Variants in NRXN1 observed in about 807,000 individuals in gnomAD.
NRXN1 encodes neurexin-1.
Under a neutral mutation model 150.9 loss-of-function variants are expected in NRXN1, and 39 were observed. The ratio of observed to expected loss-of-function variants is 0.26; its 90% CI spans 0.20 to 0.34. The LOEUF is 0.34. NRXN1 is among the 10% of genes least tolerant of loss of function. The pLI, the probability that NRXN1 is intolerant of heterozygous loss-of-function variation, is 1.00. For missense variants in NRXN1, 1,815 were observed against 1,949.9 expected (o/e 0.93, Z 1.30); for synonymous variants, 924 against 757.0 (o/e 1.22, Z -3.62).
intron 16 of NRXN1, among the ~76,000 whole-genome samples, chr2:50,471,210 G>A (rs1486449762): frequency 6.6e-6 from 1 of 151,608 alleles, no homozygotes; most frequent in Non-Finnish European, 1.5e-5. Flanking sequence ...CTCAAGTCTT[G>A]TACGTTGTAC....
At chr2:50,112,624 G>T (rs1702527024) in intron 18 of NRXN1, among the ~76,000 whole-genome samples, 1 of 152,076 alleles carries the variant, frequency 6.6e-6, no homozygotes, top group South Asian at 2.1e-4. Flanking sequence ...TTCCATGAGG[G>T]TGCAAGGGCT....
chr2:50,455,029 G>A (rs1047733366), intron 17 of NRXN1, among the ~76,000 whole-genome samples: 2 of 152,086 alleles, frequency 1.3e-5, no homozygotes, highest in Non-Finnish European at 2.9e-5. Flanking sequence ...CAGGGATGAA[G>A]GCATAAAGAA....
At chr2:50,956,934 A>G (rs1692380682) in intron 2 of NRXN1, among the ~76,000 whole-genome samples, 1 of 152,008 alleles carries the variant, frequency 6.6e-6, no homozygotes, top group Non-Finnish European at 1.5e-5. Context: ...AGAATGAAGG[A>G]GCAGAGGGAG....
intron 18 of NRXN1, among the ~76,000 whole-genome samples, chr2:50,099,319 C>CTTTCT (rs1022421739): frequency 6.6e-6 from 1 of 151,694 alleles, no homozygotes; most frequent in African/African-American, 2.4e-5. Flanking sequence ...CCCAGAATAC[C>CTTTCT]TTTCTTTACT....
At chr2:50,033,582 T>C (rs565470871) in intron 21 of NRXN1, among the ~76,000 whole-genome samples, 134 of 151,986 alleles carry the variant, frequency 8.8e-4, no homozygotes, top group Non-Finnish European at 1.6e-3. Flanking sequence ...GATTTCATGA[T>C]AAAGACACCA....
intron 2 of NRXN1, among the ~76,000 whole-genome samples, chr2:51,016,246 A>G (rs1251677572): frequency 6.6e-6 from 1 of 152,216 alleles, no homozygotes; most frequent in Admixed American, 6.5e-5. Context: ...ACAAAAGCCA[A>G]AATTGACATA....
At chr2:50,446,887 A>G (rs2086462367) in intron 17 of NRXN1, among the ~76,000 whole-genome samples, 1 of 152,152 alleles carries the variant, frequency 6.6e-6, no homozygotes, top group Non-Finnish European at 1.5e-5. Context: ...TCAATGGCCA[A>G]GCCCAAGTAA....
intron 5 of NRXN1, among the ~76,000 whole-genome samples, chr2:50,811,813 T>C (rs183376577): frequency 4.3e-4 from 66 of 152,314 alleles, no homozygotes; most frequent in Non-Finnish European, 8.8e-5. Flanking sequence ...TCATGTCTAA[T>C]GAATAAATTG....
rs893785839 is a variant in NRXN1 at position 50,062,321 on chromosome 2, C to T, written c.3719-7277G>A. On this transcript the variant is annotated intron_variant, in intron 19 of 22. Coordinates refer to ENST00000401669, the MANE Select transcript of NRXN1 (RefSeq NM_001330078.2). ...CCCTTATAAAAGAGGCTCCAGAAAACTCCCTTCCCTCCTTCTGTGATACGA... is the reference window on the plus strand; with the variant it reads ...CCCTTATAAAAGAGGCTCCAGAAAATTCCCTTCCCTCCTTCTGTGATACGA... 9.9e-5 allele frequency among the ~76,000 whole-genome samples: 15 copies of T among 152,196 alleles called. No homozygotes were observed. The South Asian group carries it at 3.1e-3, about 32-fold the overall frequency.
At chr2:50,331,285 T>C (rs941587217) in intron 17 of NRXN1, among the ~76,000 whole-genome samples, 5 of 152,128 alleles carry the variant, frequency 3.3e-5, no homozygotes, top group Non-Finnish European at 7.4e-5. Flanking sequence ...ATTTTTTACC[T>C]TAAAAAATAC....
chr2:50,051,206 G>A (rs112052525), intron 21 of NRXN1, among the ~76,000 whole-genome samples: 3 of 151,618 alleles, frequency 2.0e-5, no homozygotes, highest in African/African-American at 4.8e-5. Context: ...GCATTTCTAC[G>A]TATTTAGCTT....
At chr2:50,232,838 A>C (rs1006646073) in intron 18 of NRXN1, among the ~76,000 whole-genome samples, 2 of 152,154 alleles carry the variant, frequency 1.3e-5, no homozygotes, top group African/African-American at 4.8e-5. Flanking sequence ...ATTAACAAAA[A>C]ATAAACATTC....
At chr2:50,092,820 T>C (rs1328991472) in intron 18 of NRXN1, among the ~76,000 whole-genome samples, 2 of 152,184 alleles carry the variant, frequency 1.3e-5, no homozygotes, top group East Asian at 1.9e-4. Flanking sequence ...GGGTTCTTAT[T>C]GTACATAAAG....
At position 49,918,688 on chromosome 2, in the gene NRXN1, T is replaced by G. The variant is rs2103947672; in HGVS notation, c.*3256A>C. 6.6e-6 allele frequency: 1 copy of G among 152,238 alleles called. No individual in the cohort carries two copies. The highest frequency in any genetic ancestry group is 1.5e-5 in the Non-Finnish European group (1 of 67,974). 9.4% of individuals were successfully genotyped at this position (152,238 alleles called of 1,614,324 possible). ...CAAAAGTACATTTAATGGCTACATCTTTAAGTGTATGAATATAGAGGTCTT... is the reference window on the plus strand; with the variant it reads ...CAAAAGTACATTTAATGGCTACATCGTTAAGTGTATGAATATAGAGGTCTT... On this transcript the variant is annotated 3_prime_UTR_variant, in exon 23 of 23. Transcript: ENST00000401669.
chr2:50,332,785 A>T (rs1424130240), intron 17 of NRXN1, among the ~76,000 whole-genome samples: 1 of 152,210 alleles, frequency 6.6e-6, no homozygotes, highest in Non-Finnish European at 1.5e-5. Context: ...CATTAAACTA[A>T]GATGCTCAGC....
At chr2:50,924,697 C>T (rs958297047) in intron 3 of NRXN1, among the ~76,000 whole-genome samples, 2 of 151,576 alleles carry the variant, frequency 1.3e-5, no homozygotes, top group African/African-American at 2.4e-5. Flanking sequence ...GGATACAACA[C>T]TTAGAAAATA....
At chr2:50,207,751 G>A (rs1259144422) in intron 18 of NRXN1, 1 of 167,172 alleles carries the variant, frequency 6.0e-6, no homozygotes, top group Non-Finnish European at 1.5e-5. Context: ...TCTAATAATT[G>A]TTCTAATCCA....
intron 21 of NRXN1, among the ~76,000 whole-genome samples, chr2:49,949,081 C>G (rs761387133): frequency 2.6e-5 from 4 of 151,950 alleles, no homozygotes; most frequent in Admixed American, 6.6e-5. Context: ...GGCTGTAAAA[C>G]TTAATCCATC....
At chr2:49,972,024 C>T (rs1173248759) in intron 21 of NRXN1, among the ~76,000 whole-genome samples, 2 of 152,062 alleles carry the variant, frequency 1.3e-5, no homozygotes, top group Admixed American at 6.6e-5. Context: ...GAGCTGCGGG[C>T]AACCCAAAAG....
Sources: gnomAD v4.1 joint callset for allele counts (sites outside exome capture counted in the v4.1 genomes callset) on GRCh38, gnomAD v4.1.1 for gene constraint, MANE v1.5 for transcripts, NCBI Gene and HGNC (gene_info 2026-07-23, HGNC 2026-07-21) for gene names.